Variants in GALR1 observed in about 807,000 individuals in gnomAD.
GALR1 encodes galanin receptor 1.
GALR1 carries 11 observed loss-of-function variants against 17.9 expected under a neutral mutation model. That is an observed-to-expected ratio of 0.62 (90% CI 0.39 to 1.02). GALR1 has a LOEUF of 1.02. GALR1 is among the 50% of genes least tolerant of loss of function. GALR1 has a pLI of 0.01. For synonymous variants in GALR1, 206 were observed against 205.7 expected (o/e 1.00, Z -0.01); for missense variants, 441 against 456.9 (o/e 0.97, Z 0.32).
intron 2 of GALR1, among the ~76,000 whole-genome samples, chr18:77,257,190 C>G (rs1466003802): frequency 6.6e-6 from 1 of 151,992 alleles, no homozygotes; most frequent in African/African-American, 2.4e-5. Context: ...TCTTTATGAA[C>G]AGTAATGTGG....
chr18:77,257,796 G>T, intron 2 of GALR1, among the ~76,000 whole-genome samples: 1 of 152,192 alleles, frequency 6.6e-6, no homozygotes, highest in Non-Finnish European at 1.5e-5. Flanking sequence ...AGTCCCAGAG[G>T]CCTGTTCAAG....
chr18:77,258,723 T>C (rs1412279715), intron 2 of GALR1, among the ~76,000 whole-genome samples: 3 of 13,320 alleles, frequency 2.3e-4, no homozygotes, highest in Non-Finnish European at 5.4e-4. Flanking sequence ...GTGCTGGTGA[T>C]GGTGGTGATG....
chr18:77,256,528 G>A (rs1912596051), intron 2 of GALR1, among the ~76,000 whole-genome samples: 1 of 151,884 alleles, frequency 6.6e-6, no homozygotes, highest in Non-Finnish European at 1.5e-5. Context: ...CTGAGACAGA[G>A]TGCAGAGTGC....
chr18:77,252,923 TCACCACCACCACCACCACCAC>T (rs1912475884), intron 1 of GALR1, among the ~76,000 whole-genome samples: 2 of 84,668 alleles, frequency 2.4e-5, no homozygotes, highest in African/African-American at 5.0e-5. Flanking sequence ...ACCACCACCA[TCACCACCACCACCACCACCAC>T]CACCATCACC....
At chr18:77,254,559 T>C (rs979829944) in intron 1 of GALR1, among the ~76,000 whole-genome samples, 12 of 152,236 alleles carry the variant, frequency 7.9e-5, no homozygotes, top group African/African-American at 2.9e-4. Context: ...CTGTTGTCTC[T>C]CCTGTGTCCT....
At position 77,268,889 on chromosome 18, in the gene GALR1, G is replaced by A. The variant is rs369126559; in HGVS notation, c.1037G>A (p.Cys346Tyr). The A allele has an allele frequency of 1.1e-5, 17 of 1,608,812 alleles. No homozygotes were observed. Among genetic ancestry groups the A allele is most frequent in the Non-Finnish European group, 1.1e-5 (13 of 1,175,724 alleles). The change falls in exon 3 of 3, where the codon TGT becomes TAT. Residue 346 changes from cysteine (C) to tyrosine (Y), a missense_variant. Cys to Tyr is a radical substitution (Grantham distance 194). Transcript: ENST00000299727. ...SRIDTPPSTN[C>Y]THV ...ATAGACACCCCACCATCAACCAATT[G>A]TACTCATGTGTGATAAAAGATAGAG... is the stretch of plus-strand genomic sequence containing the variant.
chr18:77,260,561 G>A (rs1051637854), intron 2 of GALR1, among the ~76,000 whole-genome samples: 1 of 152,216 alleles, frequency 6.6e-6, no homozygotes, highest in South Asian at 2.1e-4. Flanking sequence ...TTTGGACGGG[G>A]TGGGGACATA....
chr18:77,260,565 G>T (rs1157949721), intron 2 of GALR1, among the ~76,000 whole-genome samples: 3 of 152,152 alleles, frequency 2.0e-5, no homozygotes, highest in African/African-American at 7.2e-5. Context: ...GACGGGGTGG[G>T]GACATAAACT....
In GALR1 at chr18:77,271,284, A is replaced by G. The variant is rs569847157; in HGVS notation, c.*2382A>G. 43 of 134,146 alleles carry G rather than the reference A, an allele frequency of 3.2e-4. No homozygotes were observed. Among genetic ancestry groups the G allele is most frequent in the African/African-American group, 1.1e-3 (41 of 36,572 alleles). 8.3% of individuals were successfully genotyped at this position (134,146 alleles called of 1,614,324 possible). On this transcript the variant is annotated 3_prime_UTR_variant, in exon 3 of 3. Coordinates refer to ENST00000299727, the MANE Select transcript of GALR1 (RefSeq NM_001480.4). Reference sequence around the variant, plus strand: ...CGCCACTTTGCTAAATGTAAATGCTAATTGTTGCATTTTACAGTTAGATAG... The same window carrying G: ...CGCCACTTTGCTAAATGTAAATGCTGATTGTTGCATTTTACAGTTAGATAG...
chr18:77,250,486 C>T lies in GALR1; in HGVS notation c.-63C>T, dbSNP rs12955673. 2.1e-6 allele frequency: 3 copies of T among 1,400,512 alleles called. No homozygotes were observed. The highest frequency in any genetic ancestry group is 2.8e-6 in the Non-Finnish European group (3 of 1,085,152). 86.8% of individuals were successfully genotyped at this position (1,400,512 alleles called of 1,614,324 possible). A position where few individuals can be genotyped will look rare whatever the true frequency, so the allele number is the denominator to read the frequency against. On this transcript the variant is annotated 5_prime_UTR_variant, in exon 1 of 3. Transcript: ENST00000299727. ...CGCCGGGACCCCTGGCCACCCCCGG[C>T]GCCTACTATCCCGCCCTCCCTCCCC... is the stretch of plus-strand genomic sequence containing the variant.
Position 77,272,992 on chromosome 18 carries a change from T to C in GALR1, c.*4090T>C, listed in dbSNP as rs1311227662. The stretch of plus-strand genomic sequence containing the variant: ...AGGTGTCTAAGGAGAGTGTATCGTG[T>C]ATTGTGATGCATTAGCAGGATGTTT... On this transcript the variant is annotated 3_prime_UTR_variant, in exon 3 of 3. Coordinates refer to ENST00000299727, the MANE Select transcript of GALR1 (RefSeq NM_001480.4). The C allele has an allele frequency of 2.0e-5, 3 of 152,228 alleles. No individual in the cohort carries two copies. Among genetic ancestry groups the C allele is most frequent in the Non-Finnish European group, 2.9e-5 (2 of 68,050 alleles). The allele number at this position is 152,228 out of a possible 1,614,324, so 9.4% of individuals were successfully genotyped here.
chr18:77,250,520 C>G lies in GALR1; in HGVS notation c.-29C>G. ...TCCCGCCCTCCCTCCCCGCGCGCCC[C>G]GCCGCTCGCCGGGACAGCCCCGCGG... On this transcript the variant is annotated 5_prime_UTR_variant, in exon 1 of 3. Coordinates refer to ENST00000299727, the MANE Select transcript of GALR1 (RefSeq NM_001480.4). The G allele has an allele frequency of 7.0e-7, 1 of 1,431,400 alleles. No individual in the cohort carries two copies. The highest frequency in any genetic ancestry group is 9.1e-7 in the Non-Finnish European group (1 of 1,104,048). 88.7% of individuals were successfully genotyped at this position (1,431,400 alleles called of 1,614,324 possible).
In GALR1 at chr18:77,253,034, T is replaced by TCACCAC. The variant is rs1221810035; in HGVS notation, c.666+1838_666+1843dup. The stretch of plus-strand genomic sequence containing the variant: ...ACCACCACCACCACCATCACCACCA[T>TCACCAC]CACCACCACCACCACCACCACCAAT... On this transcript the variant is annotated intron_variant, in intron 1 of 2. Transcript: ENST00000299727. Among the ~76,000 whole-genome samples, 47 of 43,900 alleles carry TCACCAC rather than the reference T, an allele frequency of 1.1e-3. 2 individuals are homozygous for TCACCAC. Among genetic ancestry groups the TCACCAC allele is most frequent in the African/African-American group, 3.7e-3 (43 of 11,578 alleles). 28.8% of individuals were successfully genotyped at this position (43,900 alleles called of 152,430 possible).
intron 2 of GALR1, among the ~76,000 whole-genome samples, chr18:77,259,549 G>C (rs1397270827): frequency 7.3e-5 from 11 of 150,930 alleles, no homozygotes; most frequent in African/African-American, 1.2e-4. Flanking sequence ...GGGTGGTGGT[G>C]ATGGTGGTGA....
chr18:77,262,058 C>T (rs955493158), intron 2 of GALR1, among the ~76,000 whole-genome samples: 1 of 152,070 alleles, frequency 6.6e-6, no homozygotes, highest in Non-Finnish European at 1.5e-5. Context: ...GAATGCCTGA[C>T]CTCAAGCGAT....
Position 77,273,606 on chromosome 18 carries a change from G to C in GALR1, c.*4704G>C, listed in dbSNP as rs575192376. The C allele has an allele frequency of 3.3e-5, 5 of 151,834 alleles. No homozygotes were observed. The South Asian group carries it at 1.0e-3, about 32-fold the overall frequency. 9.4% of individuals were successfully genotyped at this position (151,834 alleles called of 1,614,324 possible). A position where few individuals can be genotyped will look rare whatever the true frequency, so the allele number is the denominator to read the frequency against. ...GCCTAGATTGCACCATTGCACTCCA[G>C]CCTGGGCAACAAGAGTGAAACTCTG... On this transcript the variant is annotated 3_prime_UTR_variant, in exon 3 of 3. Coordinates refer to ENST00000299727, the MANE Select transcript of GALR1 (RefSeq NM_001480.4).
intron 2 of GALR1, among the ~76,000 whole-genome samples, chr18:77,267,553 G>C (rs1912969796): frequency 6.6e-6 from 1 of 152,248 alleles, no homozygotes; most frequent in Admixed American, 6.5e-5. Flanking sequence ...GGCACTAGAG[G>C]TTGTGTGTGG....
intron 1 of GALR1, among the ~76,000 whole-genome samples, chr18:77,254,909 T>C (rs1461107648): frequency 2.0e-5 from 3 of 152,186 alleles, no homozygotes; most frequent in Non-Finnish European, 4.4e-5. Flanking sequence ...GAATTTAAAG[T>C]CAGAAATTCA....
At chr18:77,258,762 C>T (rs1421954875) in intron 2 of GALR1, among the ~76,000 whole-genome samples, 6 of 47,222 alleles carry the variant, frequency 1.3e-4, no homozygotes, top group African/African-American at 4.2e-4. Flanking sequence ...GTGATGATGG[C>T]AATTGTGATA....
Sources: allele counts gnomAD v4.1 joint callset (sites outside exome capture counted in the v4.1 genomes callset), GRCh38; gene constraint gnomAD v4.1.1; transcripts MANE v1.5; gene names NCBI Gene and HGNC (gene_info 2026-07-23, HGNC 2026-07-21).